FILIP1L: variants seen among roughly 807,000 people sequenced by gnomAD.
The protein encoded by FILIP1L is filamin A interacting protein 1 like, also known as filamin A-interacting protein 1-like.
FILIP1L carries 55 observed loss-of-function variants against 96.6 expected under a neutral mutation model. That is an observed-to-expected ratio of 0.57 (90% confidence interval 0.46 to 0.71). The LOEUF (loss-of-function observed/expected upper bound fraction) is 0.71. Ranked by LOEUF, FILIP1L falls within the 30% of genes least tolerant of loss-of-function variation. The pLI is 0.00. For synonymous variants in FILIP1L, 467 were observed against 473.9 expected (o/e 0.99, Z 0.19); for missense variants, 1,304 against 1,321.2 (o/e 0.99, Z 0.20).
intron 1 of FILIP1L, among the ~76,000 whole-genome samples, chr3:99,994,991 G>GC (rs1351015338): frequency 6.6e-6 from 1 of 151,986 alleles, no homozygotes; most frequent in Admixed American, 6.6e-5. Flanking sequence ...TCCACCCCTG[G>GC]CCCCTCCAAA....
chr3:99,851,121 A>G, intron 4 of FILIP1L, 51 bp from the exon 5 acceptor site: 1 of 1,386,152 alleles, frequency 7.2e-7, no homozygotes, highest in Non-Finnish European at 9.7e-7. Flanking sequence ...TTAGTAACTC[A>G]TCGAATGTAC....
At chr3:100,006,693 C>T (rs962399990) in intron 1 of FILIP1L, among the ~76,000 whole-genome samples, 10 of 151,782 alleles carry the variant, frequency 6.6e-5, no homozygotes, top group Non-Finnish European at 1.3e-4. Flanking sequence ...TTGCACTCAG[C>T]CCTTAGCATA....
intron 1 of FILIP1L, among the ~76,000 whole-genome samples, chr3:99,957,029 A>G (rs1173569801): frequency 2.6e-5 from 4 of 152,216 alleles, no homozygotes; most frequent in Non-Finnish European, 4.4e-5. Flanking sequence ...CCAGCTGCCC[A>G]AGCTAGAAAT....
chr3:100,110,398 C>T (rs1161849680), intron 1 of FILIP1L, among the ~76,000 whole-genome samples: 1 of 152,070 alleles, frequency 6.6e-6, no homozygotes, highest in African/African-American at 2.4e-5. Context: ...ACAGAAGCAG[C>T]TTTATCCCGT....
chr3:99,963,464 C>A (rs1708553346), intron 1 of FILIP1L, among the ~76,000 whole-genome samples: 1 of 151,196 alleles, frequency 6.6e-6, no homozygotes, highest in Non-Finnish European at 1.5e-5. Flanking sequence ...CTCTGTGGGT[C>A]CAAAAAGAAG....
intron 4 of FILIP1L, among the ~76,000 whole-genome samples, chr3:99,868,451 G>A (rs1465106043): frequency 6.6e-6 from 1 of 152,198 alleles, no homozygotes; most frequent in East Asian, 1.9e-4. Flanking sequence ...AGCACCAGAT[G>A]ATGAAGGAGC....
intron 5 of FILIP1L, among the ~76,000 whole-genome samples, chr3:99,844,432 A>G (rs900515243): frequency 5.9e-5 from 9 of 152,214 alleles, no homozygotes; most frequent in African/African-American, 1.9e-4. Flanking sequence ...GAGGAAAAAA[A>G]TCTTAATAAC....
intron 1 of FILIP1L, among the ~76,000 whole-genome samples, chr3:100,053,925 G>C (rs1484938867): frequency 1.3e-5 from 2 of 152,178 alleles, no homozygotes; most frequent in African/African-American, 4.8e-5. Context: ...TTGCATCCAA[G>C]TGTTTCCAAG....
intron 4 of FILIP1L, among the ~76,000 whole-genome samples, chr3:99,852,991 A>G (rs1473558328): frequency 6.6e-6 from 1 of 152,206 alleles, no homozygotes; most frequent in Non-Finnish European, 1.5e-5. Context: ...AGAAGATGCT[A>G]GGCAGGATGC....
intron 1 of FILIP1L, among the ~76,000 whole-genome samples, chr3:100,108,959 A>G (rs2066440234): frequency 6.6e-6 from 1 of 152,082 alleles, no homozygotes; most frequent in Admixed American, 6.6e-5. Context: ...TTTGGAAGGC[A>G]GGTACTTAGA....
intron 1 of FILIP1L, among the ~76,000 whole-genome samples, chr3:100,107,340 G>GTACACTTTTTACTTAAA (rs1318294070): frequency 6.6e-6 from 1 of 152,094 alleles, no homozygotes; most frequent in Admixed American, 6.6e-5. Flanking sequence ...AAGTGCATGT[G>GTACACTTTTTACTTAAA]GGTTTTAAGT....
rs553468767 is a variant in FILIP1L at position 100,089,896 on chromosome 3, C to T, written c.-11+24157G>A. Among the ~76,000 whole-genome samples, 82 of 152,310 alleles carry T rather than the reference C, an allele frequency of 5.4e-4. 2 individuals are homozygous for T. The highest frequency in any genetic ancestry group is 3.4e-3 in the Middle Eastern group (1 of 294). On this transcript the variant is annotated intron_variant, in intron 1 of 5. Transcript: ENST00000477258. ...CAAGTCTTGTCTTCCGTTTCCTAGG[C>T]TGTGAACTGTAGGAATTGACTCAGA... is the stretch of plus-strand genomic sequence containing the variant.
At position 99,829,906 on chromosome 3, in the gene FILIP1L, C is replaced by T. The variant is rs891391158; in HGVS notation, c.*508G>A. ...TAAGAATTATCACTTTGCTTTTTCC[C>T]TCCTGGTCATAAAGAAATCATAGTT... On this transcript the variant is annotated 3_prime_UTR_variant, in exon 6 of 6. Transcript: ENST00000477258. Among the ~76,000 whole-genome samples, 3 of 152,130 alleles carry T rather than the reference C, an allele frequency of 2.0e-5. No individual in the cohort carries two copies. The highest frequency in any genetic ancestry group is 7.2e-5 in the African/African-American group (3 of 41,410).
chr3:99,943,766 A>G (rs1450624815), intron 1 of FILIP1L, among the ~76,000 whole-genome samples: 1 of 152,222 alleles, frequency 6.6e-6, no homozygotes, highest in African/African-American at 2.4e-5. Flanking sequence ...TAATCCAAAT[A>G]TAAGCAAAGC....
At chr3:99,833,789 G>A (rs1942783743) in intron 5 of FILIP1L, among the ~76,000 whole-genome samples, 2 of 152,246 alleles carry the variant, frequency 1.3e-5, no homozygotes. Flanking sequence ...TGGTAATTGA[G>A]GTGGTGTGGG....
intron 1 of FILIP1L, among the ~76,000 whole-genome samples, chr3:100,089,533 A>C (rs1255010539): frequency 6.6e-6 from 1 of 152,216 alleles, no homozygotes; most frequent in African/African-American, 2.4e-5. Flanking sequence ...TCAAAGCCTC[A>C]TGTCAAGCAA....
chr3:99,875,968 A>C lies in FILIP1L; in HGVS notation c.606-24898T>G, dbSNP rs1008593182. 1.2e-5 allele frequency: 9 copies of C among 748,230 alleles called. No homozygotes were observed. The East Asian group carries it at 1.0e-3, about 86-fold the overall frequency. The allele number at this position is 748,230 out of a possible 1,614,324, so 46.3% of individuals were successfully genotyped here. On this transcript the variant is annotated intron_variant, in intron 4 of 5. Transcript: ENST00000477258. The stretch of plus-strand genomic sequence containing the variant: ...GATGCGCTTTGCGAAACCTGTCTGC[A>C]GTTTGTGATGCTGAGACAGCTTTAA...
At chr3:99,925,447 A>G (rs528459123) in intron 3 of FILIP1L, among the ~76,000 whole-genome samples, 4 of 152,262 alleles carry the variant, frequency 2.6e-5, no homozygotes, top group African/African-American at 9.6e-5. Flanking sequence ...CCTTGCTTAT[A>G]AGAGGTGCCC....
chr3:100,016,336 G>A (rs1403503347), intron 1 of FILIP1L, among the ~76,000 whole-genome samples: 1 of 152,170 alleles, frequency 6.6e-6, no homozygotes, highest in African/African-American at 2.4e-5. Context: ...GGGATTACAG[G>A]CATGCGCACC....
Sources: gnomAD v4.1 joint callset for allele counts (sites outside exome capture counted in the v4.1 genomes callset) on GRCh38, gnomAD v4.1.1 for gene constraint, MANE v1.5 for transcripts, NCBI Gene and HGNC (gene_info 2026-07-23, HGNC 2026-07-21) for gene names.